The following CAST variants were observed in gnomAD, a reference collection of about 807,000 sequenced individuals.
CAST encodes calpastatin.
A neutral mutation model predicts 119.6 loss-of-function variants in CAST; 76 were observed. That is an observed-to-expected ratio of 0.64 (90% confidence interval 0.53 to 0.77). The LOEUF (loss-of-function observed/expected upper bound fraction) is 0.77, where lower values mean the gene tolerates loss of function less well. Ranked by LOEUF, CAST falls within the 30% of genes least tolerant of loss-of-function variation. The pLI is 0.00. For synonymous variants in CAST, 319 were observed against 331.6 expected (o/e 0.96, Z 0.41); for missense variants, 953 against 946.5 (o/e 1.01, Z -0.09).
the CAST span, among the ~76,000 whole-genome samples, chr5:96,129,719 T>C: frequency 6.6e-6 from 1 of 152,122 alleles, no homozygotes; most frequent in African/African-American, 2.4e-5. Context: ...TTCTATATTA[T>C]ACATATTAAG....
At chr5:96,425,069 A>G in the CAST span, among the ~76,000 whole-genome samples, 79 of 147,788 alleles carry the variant, frequency 5.3e-4, no homozygotes, top group Admixed American at 2.7e-4. Flanking sequence ...AGAAAGAAAG[A>G]AAGAAAACGT....
At chr5:96,648,442 T>C (rs1460271301) in intron 1 of CAST, among the ~76,000 whole-genome samples, 1 of 151,552 alleles carries the variant, frequency 6.6e-6, no homozygotes, top group Non-Finnish European at 1.5e-5. Flanking sequence ...TTTCAGCACT[T>C]GAATTAATAT....
intron 1 of CAST, among the ~76,000 whole-genome samples, chr5:96,656,562 T>A (rs1748161209): frequency 6.6e-6 from 1 of 152,224 alleles, no homozygotes; most frequent in Non-Finnish European, 1.5e-5. Flanking sequence ...GTCTACATGC[T>A]TCACGTTACG....
chr5:96,221,411 T>G, the CAST span, among the ~76,000 whole-genome samples: 2 of 152,162 alleles, frequency 1.3e-5, no homozygotes, highest in African/African-American at 4.8e-5. Flanking sequence ...TTCAGTAAAG[T>G]TGCAGGATAC....
chr5:96,131,403 A>G, the CAST span, among the ~76,000 whole-genome samples: 36 of 151,258 alleles, frequency 2.4e-4, no homozygotes, highest in Admixed American at 2.3e-3. Flanking sequence ...CTGTAAATTT[A>G]ATATCTTGTT....
the CAST span, among the ~76,000 whole-genome samples, chr5:96,495,135 A>AC: frequency 5.5e-5 from 8 of 146,540 alleles, 1 homozygote; most frequent in Admixed American, 1.3e-4. Flanking sequence ...AAAAAAAAAA[A>AC]AAAAAGTGTG....
chr5:96,527,415 C>A (rs1745613034), upstream of CAST, among the ~76,000 whole-genome samples: 1 of 152,108 alleles, frequency 6.6e-6, no homozygotes, highest in African/African-American at 2.4e-5. Context: ...TTTGGAGTCC[C>A]AAGATTTTTT....
At chr5:96,448,014 TAA>T in the CAST span, among the ~76,000 whole-genome samples, 17 of 140,456 alleles carry the variant, frequency 1.2e-4, no homozygotes, top group Middle Eastern at 3.7e-3. Context: ...TCTCATATGT[TAA>T]AAAAAAAAAA....
At position 96,662,477 on chromosome 5, in the gene CAST, G is replaced by C; in HGVS notation, c.55G>C (p.Ala19Pro). 1 of 1,427,302 alleles carries C rather than the reference G, an allele frequency of 7.0e-7. No homozygotes were observed. The highest frequency in any genetic ancestry group is 9.1e-7 in the Non-Finnish European group (1 of 1,094,362). 88.4% of individuals were successfully genotyped at this position (1,427,302 alleles called of 1,614,324 possible). A position where few individuals can be genotyped will look rare whatever the true frequency, so the allele number is the denominator to read the frequency against. Residue 19 changes from alanine (A) to proline (P), a missense_variant, in exon 1 of 32, where the codon GCC (alanine) becomes CCC (proline). Ala to Pro is a conservative substitution (Grantham distance 27). Transcript: ENST00000675179. ...CTCCCCGCGGCCCCGGCGAGCAGCC[G>C]CCGCCCGCCGCACCCATGAGGTGAG... The part of the protein sequence containing the change: ...AASPRPRRAA[A>P]ARRTHEHVSE...
the CAST span, among the ~76,000 whole-genome samples, chr5:96,459,331 G>A: frequency 2.0e-5 from 3 of 152,022 alleles, no homozygotes; most frequent in African/African-American, 2.4e-5. Flanking sequence ...TCTCATGGTC[G>A]TATATTGTAA....
At chr5:96,431,177 A>G in the CAST span, among the ~76,000 whole-genome samples, 3 of 152,164 alleles carry the variant, frequency 2.0e-5, no homozygotes, top group African/African-American at 4.8e-5. Flanking sequence ...TCTGCTACTC[A>G]TACCCTCTTT....
the CAST span, among the ~76,000 whole-genome samples, chr5:96,089,336 G>A: frequency 6.6e-6 from 1 of 152,046 alleles, no homozygotes; most frequent in South Asian, 2.1e-4. Flanking sequence ...TACTCTTGAG[G>A]GAGGAATTTT....
At chr5:96,054,815 G>A in the CAST span, among the ~76,000 whole-genome samples, 2 of 152,100 alleles carry the variant, frequency 1.3e-5, no homozygotes, top group African/African-American at 4.8e-5. Flanking sequence ...CTGCACTGTG[G>A]TGTGTGAAGA....
chr5:96,256,260 T>C, the CAST span, among the ~76,000 whole-genome samples: 1 of 148,272 alleles, frequency 6.7e-6, no homozygotes, highest in Non-Finnish European at 1.5e-5. Flanking sequence ...TATGTGTTTA[T>C]ATGTAATATG....
chr5:96,458,897 C>T, the CAST span, among the ~76,000 whole-genome samples: 4 of 152,046 alleles, frequency 2.6e-5, no homozygotes, highest in Non-Finnish European at 5.9e-5. Flanking sequence ...AACGTGGGAG[C>T]GTATGACAGT....
intron 1 of CAST, among the ~76,000 whole-genome samples, chr5:96,602,110 C>T (rs1460109760): frequency 6.6e-6 from 1 of 152,110 alleles, no homozygotes; most frequent in Non-Finnish European, 1.5e-5. Flanking sequence ...GAGTAGGGTC[C>T]CTCTGGTCTA....
the CAST span, among the ~76,000 whole-genome samples, chr5:96,217,211 T>TTTTTTTTC: frequency 6.9e-6 from 1 of 145,632 alleles, no homozygotes; most frequent in Non-Finnish European, 1.5e-5. Flanking sequence ...CTAATTTTTT[T>TTTTTTTTC]TTTTTTTTTT....
intron 1 of CAST, among the ~76,000 whole-genome samples, chr5:96,646,587 A>G (rs1448889671): frequency 6.6e-6 from 1 of 152,230 alleles, no homozygotes; most frequent in African/African-American, 2.4e-5. Flanking sequence ...ATAACCACAT[A>G]TAAATTGCTC....
intron 25 of CAST, chr5:96,763,011 A>G: frequency 1.5e-6 from 1 of 669,590 alleles, no homozygotes; most frequent in Non-Finnish European, 2.7e-6. Context: ...TACATTACCA[A>G]GGAGACCACA....
Sources: gnomAD v4.1 joint callset for allele counts (sites outside exome capture counted in the v4.1 genomes callset) on GRCh38, gnomAD v4.1.1 for gene constraint, MANE v1.5 for transcripts, NCBI Gene and HGNC (gene_info 2026-07-23, HGNC 2026-07-21) for gene names.